Variants in KATNBL1 observed in about 807,000 individuals in gnomAD.
KATNBL1 encodes the protein katanin regulatory subunit B1 like 1.
KATNBL1 carries 28 observed loss-of-function variants against 44.7 expected under a neutral mutation model. The observed-to-expected ratio is 0.63, with a 90% CI of 0.46 to 0.86. The LOEUF (loss-of-function observed/expected upper bound fraction) is 0.86. Among genes scored for constraint, KATNBL1 ranks in the 40% least tolerant of loss-of-function variants. The pLI is 0.00. For synonymous variants in KATNBL1, 78 were observed against 114.9 expected (o/e 0.68, Z 2.06); for missense variants, 272 against 350.7 (o/e 0.78, Z 1.79).
chr15:34,173,428 T>C (rs2140950056), intron 1 of KATNBL1, among the ~76,000 whole-genome samples: 1 of 152,240 alleles, frequency 6.6e-6, no homozygotes. Flanking sequence ...GCCTTCAAAA[T>C]TCTCAGGCAA....
intron 1 of KATNBL1, among the ~76,000 whole-genome samples, chr15:34,176,634 C>T (rs989543653): frequency 6.6e-6 from 1 of 152,096 alleles, no homozygotes; most frequent in Non-Finnish European, 1.5e-5. Context: ...GGGTTGACAA[C>T]TGCACAATTC....
intron 1 of KATNBL1, among the ~76,000 whole-genome samples, chr15:34,193,554 TA>T (rs1341660878): frequency 6.6e-6 from 1 of 151,664 alleles, no homozygotes; most frequent in Non-Finnish European, 1.5e-5. Context: ...ATTAATTAAT[TA>T]AAATATCACC....
chr15:34,192,263 G>A (rs1334825001), intron 1 of KATNBL1, among the ~76,000 whole-genome samples: 1 of 152,038 alleles, frequency 6.6e-6, no homozygotes, highest in Non-Finnish European at 1.5e-5. Flanking sequence ...AATGAGACAG[G>A]TGTGGTGGCA....
intron 1 of KATNBL1, among the ~76,000 whole-genome samples, chr15:34,166,688 G>A (rs7172480): frequency 0.21 from 31,366 of 152,138 alleles, 4,055 homozygotes; most frequent in African/African-American, 0.37. Context: ...TCCTAGTAGA[G>A]GCCGACTGAC....
Position 34,195,410 on chromosome 15 carries a change from T to C in KATNBL1, c.-15+14541A>G, listed in dbSNP as rs574797671. Among the ~76,000 whole-genome samples, 6 of 152,180 alleles carry C rather than the reference T, an allele frequency of 3.9e-5. No individual in the cohort carries two copies. The East Asian group carries it at 7.7e-4, about 20-fold the overall frequency. On this transcript the variant is annotated intron_variant, in intron 1 of 9. Transcript: ENST00000256544. ...TACATATGAAAGCAGTGTGGAATAA[T>C]AGAGAATGGAGACTCAGAGAGGTAG...
intron 1 of KATNBL1, among the ~76,000 whole-genome samples, chr15:34,167,967 C>G (rs1255379524): frequency 6.6e-6 from 1 of 152,146 alleles, no homozygotes; most frequent in Non-Finnish European, 1.5e-5. Context: ...ACAACCAGTA[C>G]CAGCCACTGC....
chr15:34,188,234 C>T (rs1289282869), intron 1 of KATNBL1, among the ~76,000 whole-genome samples: 1 of 145,532 alleles, frequency 6.9e-6, no homozygotes, highest in East Asian at 2.1e-4. Context: ...AAATTCTGTA[C>T]ACTCTACTCA....
intron 5 of KATNBL1, among the ~76,000 whole-genome samples, chr15:34,148,004 A>G (rs1256443745): frequency 6.6e-6 from 1 of 152,060 alleles, no homozygotes; most frequent in Non-Finnish European, 1.5e-5. Context: ...ACAAGCACGT[A>G]CCACTGTGCC....
intron 2 of KATNBL1, among the ~76,000 whole-genome samples, chr15:34,155,896 A>T (rs1238704334): frequency 6.6e-6 from 1 of 152,180 alleles, no homozygotes; most frequent in Non-Finnish European, 1.5e-5. Context: ...TTTATTTGGT[A>T]CTCCTCGTGG....
chr15:34,192,752 A>C (rs1374189707), intron 1 of KATNBL1, among the ~76,000 whole-genome samples: 1 of 152,214 alleles, frequency 6.6e-6, no homozygotes, highest in Non-Finnish European at 1.5e-5. Context: ...AGAAGAAAAA[A>C]TCAGGAATAA....
chr15:34,178,480 G>A (rs574226363), intron 1 of KATNBL1, among the ~76,000 whole-genome samples: 34 of 152,256 alleles, frequency 2.2e-4, no homozygotes, highest in Admixed American at 1.6e-3. Flanking sequence ...TCAATGGGCC[G>A]GGCGTGGTGG....
At chr15:34,190,883 A>G (rs750727208) in intron 1 of KATNBL1, among the ~76,000 whole-genome samples, 2 of 152,174 alleles carry the variant, frequency 1.3e-5, no homozygotes, top group Non-Finnish European at 2.9e-5. Context: ...TAATGCGACC[A>G]TGAGGATGCA....
intron 1 of KATNBL1, among the ~76,000 whole-genome samples, chr15:34,183,805 G>A (rs1048149224): frequency 6.6e-6 from 1 of 152,196 alleles, no homozygotes; most frequent in African/African-American, 2.4e-5. Context: ...TTCCATTTAT[G>A]AGAAGAGGGC....
chr15:34,143,422 G>A (rs898037496), intron 9 of KATNBL1, among the ~76,000 whole-genome samples: 5 of 152,154 alleles, frequency 3.3e-5, no homozygotes, highest in Non-Finnish European at 4.4e-5. Flanking sequence ...CTGAGCTTGT[G>A]CCACTGCACT....
rs111953836 is a variant in KATNBL1 at position 34,152,489 on chromosome 15, G to C, written c.438+301C>G. Among the ~76,000 whole-genome samples the C allele has an allele frequency of 6.4e-3, 973 of 152,288 alleles. 11 individuals are homozygous for C. The highest frequency in any genetic ancestry group is 0.022 in the African/African-American group (919 of 41,548). The stretch of plus-strand genomic sequence containing the variant: ...CGTGAGCCACTGTGTCCGGCCTAGT[G>C]CTCCACTTTTTTAGGCAAGATTTCT... On this transcript the variant is annotated intron_variant, in intron 4 of 9. Coordinates refer to ENST00000256544, the MANE Select transcript of KATNBL1 (RefSeq NM_024713.3).
chr15:34,180,729 T>G (rs1226410285), intron 1 of KATNBL1, among the ~76,000 whole-genome samples: 1 of 152,104 alleles, frequency 6.6e-6, no homozygotes, highest in Non-Finnish European at 1.5e-5. Flanking sequence ...TTATTTTGAC[T>G]CCTTTCTCCT....
chr15:34,183,364 G>A (rs750156314), intron 1 of KATNBL1, among the ~76,000 whole-genome samples: 4 of 152,128 alleles, frequency 2.6e-5, no homozygotes, highest in Non-Finnish European at 5.9e-5. Flanking sequence ...TCTCTGGAAA[G>A]CTTTCTACTT....
At chr15:34,148,389 C>T (rs1459414620) in intron 5 of KATNBL1, 3 of 277,216 alleles carry the variant, frequency 1.1e-5, no homozygotes, top group Non-Finnish European at 1.4e-5. Context: ...AGTTCGAGAC[C>T]AGCCCGGGAA....
At chr15:34,150,786 G>A (rs1888446290) in intron 4 of KATNBL1, among the ~76,000 whole-genome samples, 1 of 152,162 alleles carries the variant, frequency 6.6e-6, no homozygotes, top group Non-Finnish European at 1.5e-5. Context: ...TAGGCCTCAT[G>A]TCTGTTGTTC....
Sources: gnomAD v4.1 joint callset for allele counts (sites outside exome capture counted in the v4.1 genomes callset) on GRCh38, gnomAD v4.1.1 for gene constraint, MANE v1.5 for transcripts, NCBI Gene and HGNC (gene_info 2026-07-23, HGNC 2026-07-21) for gene names.